Variants in INPP4B observed in about 807,000 individuals in gnomAD.
INPP4B encodes inositol polyphosphate 4-phosphatase type II.
INPP4B carries 55 observed loss-of-function variants against 122.5 expected under a neutral mutation model. The ratio of observed to expected loss-of-function variants is 0.45; its 90% CI spans 0.36 to 0.56. The LOEUF (loss-of-function observed/expected upper bound fraction) is 0.56, where lower values mean the gene tolerates loss of function less well. Ranked by LOEUF, INPP4B falls within the 20% of genes least tolerant of loss-of-function variation. The probability of loss-of-function intolerance (pLI) is 0.00; values close to 1 mark genes in which losing one functional copy is unlikely to be tolerated. For missense variants in INPP4B, 1,000 were observed against 1,097.7 expected, an observed-to-expected ratio of 0.91 and a Z score of 1.26; for synonymous variants, 403 against 388.7, an observed-to-expected ratio of 1.04 and a Z score of -0.43.
rs1414427384 is a variant in INPP4B at position 142,028,462 on chromosome 4, G to A, written c.*320C>T. The A allele has an allele frequency of 6.3e-6, 2 of 317,210 alleles. No individual in the cohort carries two copies. The highest frequency in any genetic ancestry group is 5.9e-6 in the Non-Finnish European group (1 of 170,764). 19.6% of individuals were successfully genotyped at this position (317,210 alleles called of 1,614,324 possible). ...GAATCACCCCTAGTCCTATTGAAAT[G>A]ATCCATGTTTCCTCAGAAACATTTA... On this transcript the variant is annotated 3_prime_UTR_variant, in exon 26 of 26. Transcript: ENST00000262992.
intron 1 of INPP4B, among the ~76,000 whole-genome samples, chr4:142,781,002 C>G (rs1433812070): frequency 1.3e-5 from 2 of 152,150 alleles, no homozygotes; most frequent in African/African-American, 4.8e-5. Context: ...AGAAATCAAT[C>G]TCATAATACT....
intron 25 of INPP4B, among the ~76,000 whole-genome samples, chr4:142,034,745 C>T (rs1356542067): frequency 6.6e-6 from 1 of 152,142 alleles, no homozygotes; most frequent in Non-Finnish European, 1.5e-5. Flanking sequence ...GCACCAGGCA[C>T]CTCCTCCTAG....
intron 2 of INPP4B, among the ~76,000 whole-genome samples, chr4:142,694,366 C>T (rs1378901827): frequency 1.4e-5 from 2 of 143,634 alleles, no homozygotes; most frequent in East Asian, 4.0e-4. Context: ...GAACGAGACT[C>T]GTCTCAAAAA....
At chr4:142,450,077 C>G (rs1246894709) in intron 3 of INPP4B, among the ~76,000 whole-genome samples, 1 of 152,142 alleles carries the variant, frequency 6.6e-6, no homozygotes, top group Non-Finnish European at 1.5e-5. Context: ...GTGATGGACC[C>G]TTGCCATAGA....
At chr4:142,545,340 C>G (rs1027957500) in intron 2 of INPP4B, among the ~76,000 whole-genome samples, 1 of 152,022 alleles carries the variant, frequency 6.6e-6, no homozygotes, top group African/African-American at 2.4e-5. Context: ...CTGCAATTAA[C>G]CCTATGAGGT....
intron 2 of INPP4B, among the ~76,000 whole-genome samples, chr4:142,481,300 A>C: frequency 6.6e-6 from 1 of 152,018 alleles, no homozygotes; most frequent in African/African-American, 2.4e-5. Context: ...TAAAGACACA[A>C]CATTTATTTA....
chr4:142,103,319 T>A (rs952740301), intron 23 of INPP4B, among the ~76,000 whole-genome samples: 19 of 152,246 alleles, frequency 1.2e-4, no homozygotes, highest in African/African-American at 4.6e-4. Flanking sequence ...TCTCATTTTA[T>A]AATGTATGTT....
intron 2 of INPP4B, among the ~76,000 whole-genome samples, chr4:142,627,798 T>C (rs1746840561): frequency 1.3e-5 from 2 of 152,194 alleles, no homozygotes; most frequent in Non-Finnish European, 1.5e-5. Context: ...CCTCTTTTTC[T>C]ATTGATTGGA....
intron 4 of INPP4B, 146 bp downstream of exon 4, chr4:142,431,023 A>T: frequency 1.6e-6 from 1 of 620,264 alleles, no homozygotes; most frequent in Non-Finnish European, 2.9e-6. Flanking sequence ...TAAATAGTGC[A>T]AAGGAAAAAT....
At chr4:142,697,270 C>G (rs75531154) in intron 2 of INPP4B, among the ~76,000 whole-genome samples, 1,833 of 152,204 alleles carry the variant, frequency 0.012, 34 homozygotes, top group African/African-American at 0.034. Context: ...CCTTTTAATA[C>G]TGTTAGGCTT....
At chr4:142,644,427 A>T (rs1262547837) in intron 2 of INPP4B, among the ~76,000 whole-genome samples, 2 of 152,042 alleles carry the variant, frequency 1.3e-5, no homozygotes, top group East Asian at 3.9e-4. Context: ...AGAGATATGA[A>T]ATTATATCAG....
intron 7 of INPP4B, among the ~76,000 whole-genome samples, chr4:142,401,066 T>C (rs1801435664): frequency 6.6e-6 from 1 of 152,196 alleles, no homozygotes; most frequent in African/African-American, 2.4e-5. Flanking sequence ...GTTGGAGAAT[T>C]AAATTTAATC....
chr4:142,331,918 G>A (rs1394292052), intron 7 of INPP4B, among the ~76,000 whole-genome samples: 1 of 151,400 alleles, frequency 6.6e-6, no homozygotes, highest in Non-Finnish European at 1.5e-5. Context: ...GGGGGGGTGG[G>A]GGGTGGAGGG....
At chr4:142,139,555 C>T (rs992589142) in intron 18 of INPP4B, among the ~76,000 whole-genome samples, 1 of 152,154 alleles carries the variant, frequency 6.6e-6, no homozygotes, top group Non-Finnish European at 1.5e-5. Context: ...GATCCACCTG[C>T]CTCAGCCTCC....
At chr4:142,228,320 A>G (rs1852540246) in intron 12 of INPP4B, among the ~76,000 whole-genome samples, 1 of 145,714 alleles carries the variant, frequency 6.9e-6, no homozygotes, top group Admixed American at 6.7e-5. Context: ...CAAATCAAAT[A>G]TATTACTTTT....
At chr4:142,139,361 C>T (rs1000127019) in intron 18 of INPP4B, among the ~76,000 whole-genome samples, 2 of 152,218 alleles carry the variant, frequency 1.3e-5, no homozygotes, top group Admixed American at 1.3e-4. Context: ...GCCTGGAGTG[C>T]AATGGCACAA....
chr4:142,076,364 T>C (rs1291947921), intron 25 of INPP4B, among the ~76,000 whole-genome samples: 1 of 152,060 alleles, frequency 6.6e-6, no homozygotes, highest in Non-Finnish European at 1.5e-5. Context: ...TAAAAGCTAC[T>C]TGCTCTAACA....
At chr4:142,118,871 G>A (rs1389136381) in intron 21 of INPP4B, among the ~76,000 whole-genome samples, 1 of 152,046 alleles carries the variant, frequency 6.6e-6, no homozygotes, top group Non-Finnish European at 1.5e-5. Flanking sequence ...TACAGAATTG[G>A]AGAAAATTTT....
chr4:142,524,507 TG>T (rs1826575663), intron 2 of INPP4B, among the ~76,000 whole-genome samples: 1 of 152,156 alleles, frequency 6.6e-6, no homozygotes, highest in Non-Finnish European at 1.5e-5. Context: ...TGGGGTTGTT[TG>T]TTTTTTTCTT....
Sources: gnomAD v4.1 joint callset for allele counts (sites outside exome capture counted in the v4.1 genomes callset) on GRCh38, gnomAD v4.1.1 for gene constraint, MANE v1.5 for transcripts, NCBI Gene and HGNC (gene_info 2026-07-23, HGNC 2026-07-21) for gene names.